Variants in GPHN observed in about 807,000 individuals in gnomAD.
The protein encoded by GPHN is gephyrin.
Under a neutral mutation model 95.5 loss-of-function variants are expected in GPHN, and 17 were observed. The ratio of observed to expected loss-of-function variants is 0.18; its 90% CI spans 0.12 to 0.27. The LOEUF (loss-of-function observed/expected upper bound fraction) is 0.27, where lower values mean the gene tolerates loss of function less well. Ranked by LOEUF, GPHN falls within the 10% of genes least tolerant of loss-of-function variation. GPHN has a pLI of 1.00. For missense variants in GPHN, 660 were observed against 978.1 expected (o/e 0.67, Z 4.34); for synonymous variants, 320 against 322.5 (o/e 0.99, Z 0.08).
At chr14:66,828,023 T>C (rs968455181) in intron 4 of GPHN, among the ~76,000 whole-genome samples, 3 of 152,062 alleles carry the variant, frequency 2.0e-5, no homozygotes, top group Admixed American at 6.6e-5. Context: ...ATATTAGAGG[T>C]TTCTTAAATG....
At position 66,667,585 on chromosome 14, in the gene GPHN, T is replaced by C. The variant is rs186695286; in HGVS notation, c.65-13522T>C. 2.1e-4 allele frequency among the ~76,000 whole-genome samples: 32 copies of C among 152,290 alleles called. 1 individual carries two copies. Among genetic ancestry groups the C allele is most frequent in the African/African-American group, 7.7e-4 (32 of 41,572 alleles). Reference sequence around the variant, plus strand: ...CCCTATTCAATAAATGGTGCTGGGATAACTGGCTAGCCATAGGTCGAAAAT... The same window carrying C: ...CCCTATTCAATAAATGGTGCTGGGACAACTGGCTAGCCATAGGTCGAAAAT... On this transcript the variant is annotated intron_variant, in intron 1 of 22. Transcript: ENST00000478722.
the GPHN span, chr14:67,350,769 T>C: frequency 3.0e-6 from 4 of 1,331,284 alleles, no homozygotes; most frequent in Non-Finnish European, 1.1e-6. Flanking sequence ...GTTCCTTTAA[T>C]AACCATCAGT....
intron 5 of GPHN, among the ~76,000 whole-genome samples, chr14:66,907,689 A>G (rs2065455070): frequency 6.6e-6 from 1 of 152,140 alleles, no homozygotes; most frequent in Non-Finnish European, 1.5e-5. Flanking sequence ...GACCTAAATA[A>G]CTTTGGATAT....
At chr14:67,625,090 C>G in the GPHN span, among the ~76,000 whole-genome samples, 1 of 151,978 alleles carries the variant, frequency 6.6e-6, no homozygotes, top group Non-Finnish European at 1.5e-5. Context: ...CTTTATTTGA[C>G]CAACACAAGT....
chr14:66,699,300 T>C (rs545109594), intron 2 of GPHN, among the ~76,000 whole-genome samples: 4 of 151,852 alleles, frequency 2.6e-5, no homozygotes, highest in East Asian at 1.9e-4. Flanking sequence ...TGTATACATA[T>C]GTAACAAACC....
chr14:67,183,287 G>A (rs2140222606), downstream of GPHN, among the ~76,000 whole-genome samples: 1 of 152,248 alleles, frequency 6.6e-6, no homozygotes. Flanking sequence ...ATTCCTAGAA[G>A]AGTCTGGCAT....
At chr14:67,637,404 C>G in the GPHN span, among the ~76,000 whole-genome samples, 1 of 96,658 alleles carries the variant, frequency 1.0e-5, no homozygotes, top group African/African-American at 3.8e-5. Context: ...GAGCAAGACT[C>G]TGTCTCAAAA....
At chr14:66,813,813 TCTG>T (rs1170788216) in intron 3 of GPHN, among the ~76,000 whole-genome samples, 3 of 152,170 alleles carry the variant, frequency 2.0e-5, no homozygotes, top group African/African-American at 7.2e-5. Flanking sequence ...CCCTCCTTGG[TCTG>T]CTGGCCTGTC....
chr14:67,179,491 G>C, intron 21 of GPHN, 87 bp from the exon 22 acceptor site: 1 of 778,504 alleles, frequency 1.3e-6, no homozygotes, highest in East Asian at 2.6e-5. Context: ...CATGTCCACT[G>C]TATTCTTTGC....
At chr14:66,833,106 A>C (rs2061642542) in intron 4 of GPHN, among the ~76,000 whole-genome samples, 1 of 152,204 alleles carries the variant, frequency 6.6e-6, no homozygotes, top group South Asian at 2.1e-4. Context: ...GTCTGTTCTC[A>C]CATCGCTAAT....
chr14:67,202,389 C>T, the GPHN span, among the ~76,000 whole-genome samples: 32 of 152,096 alleles, frequency 2.1e-4, no homozygotes, highest in South Asian at 8.3e-4. Flanking sequence ...TGTAGTAAGC[C>T]GAGATCACCC....
At chr14:67,302,328 G>A in the GPHN span, 79,950 of 1,167,316 alleles carry the variant, frequency 0.068, 9,239 homozygotes, top group East Asian at 0.41. Flanking sequence ...ATTGTTGAAT[G>A]GAAAAAATAG....
chr14:67,011,267 A>G (rs921256489), intron 9 of GPHN, among the ~76,000 whole-genome samples: 1 of 152,144 alleles, frequency 6.6e-6, no homozygotes, highest in African/African-American at 2.4e-5. Context: ...GAATTCTCAT[A>G]TAAGAACAAA....
chr14:67,362,593 C>G, the GPHN span, among the ~76,000 whole-genome samples: 1 of 152,124 alleles, frequency 6.6e-6, no homozygotes. Context: ...AGAGCAAGGA[C>G]TGGAACACAA....
At chr14:67,589,738 C>G in the GPHN span, 2 of 1,015,316 alleles carry the variant, frequency 2.0e-6, no homozygotes, top group Non-Finnish European at 2.4e-6. Context: ...GTCAGTTTCC[C>G]ATTGTTTTGC....
intron 9 of GPHN, among the ~76,000 whole-genome samples, chr14:66,989,049 A>G (rs2071214368): frequency 6.6e-6 from 1 of 152,012 alleles, no homozygotes; most frequent in Non-Finnish European, 1.5e-5. Flanking sequence ...TCTACGCTAA[A>G]TTTCTGATTA....
chr14:67,267,673 G>GTCATGC, the GPHN span, among the ~76,000 whole-genome samples: 1 of 152,148 alleles, frequency 6.6e-6, no homozygotes, highest in Non-Finnish European at 1.5e-5. Flanking sequence ...AATTTATATA[G>GTCATGC]TCATGCAGAC....
chr14:67,573,896 G>A, the GPHN span: 419 of 1,589,640 alleles, frequency 2.6e-4, no homozygotes, highest in Middle Eastern at 6.0e-3. This position sits in a 1 kb window ranked among gnomAD's most constrained non-coding sequence, Gnocchi z 4.8. Context: ...AGGTGAGCAC[G>A]CTCCTGGCTG....
intron 10 of GPHN, among the ~76,000 whole-genome samples, chr14:67,048,784 T>C (rs990307335): frequency 5.3e-5 from 8 of 152,266 alleles, no homozygotes; most frequent in Non-Finnish European, 7.3e-5. Context: ...TTGAATGCTA[T>C]GATCTTCTCA....
Sources: gnomAD v4.1 joint callset for allele counts (sites outside exome capture counted in the v4.1 genomes callset) on GRCh38, gnomAD v4.1.1 for gene constraint, Gnocchi (gnomAD v3.1) non-coding constraint, MANE v1.5 for transcripts, NCBI Gene and HGNC (gene_info 2026-07-23, HGNC 2026-07-21) for gene names.